Variants in ADAMTS3 observed in about 807,000 individuals in gnomAD.
ADAMTS3 encodes the protein A disintegrin and metalloproteinase with thrombospondin motifs 3.
Under a neutral mutation model 129.0 loss-of-function variants are expected in ADAMTS3, and 73 were observed. The observed-to-expected ratio is 0.57, with a 90% CI of 0.47 to 0.69. The LOEUF (loss-of-function observed/expected upper bound fraction) is 0.69, where lower values mean the gene tolerates loss of function less well. Ranked by LOEUF, ADAMTS3 falls within the 30% of genes least tolerant of loss-of-function variation. ADAMTS3 has a pLI of 0.00. For synonymous variants in ADAMTS3, 477 were observed against 510.8 expected (o/e 0.93, Z 0.89); for missense variants, 1,457 against 1,514.5 (o/e 0.96, Z 0.63).
At chr4:72,398,387 T>C (rs1415137103) in intron 4 of ADAMTS3, among the ~76,000 whole-genome samples, 1 of 151,844 alleles carries the variant, frequency 6.6e-6, no homozygotes, top group Non-Finnish European at 1.5e-5. Context: ...AGAAACCCCG[T>C]CTCTACTAAA....
chr4:72,566,020 TAA>T (rs1452832139), intron 2 of ADAMTS3, among the ~76,000 whole-genome samples: 1 of 151,852 alleles, frequency 6.6e-6, no homozygotes, highest in African/African-American at 2.4e-5. Flanking sequence ...TCTCCCTACT[TAA>T]GAGTTGGTTA....
rs190069700 is a variant in ADAMTS3, at chr4:72,475,928, G to T, written c.505-60957C>A. On this transcript the variant is annotated intron_variant, in intron 3 of 21. Coordinates refer to ENST00000286657, the MANE Select transcript of ADAMTS3 (RefSeq NM_014243.3). ...ATAGGAAGTCAAAATACATTCAAAT[G>T]AATAAAAATACAACATATCAAAATT... 2.6e-4 allele frequency among the ~76,000 whole-genome samples: 40 copies of T among 151,964 alleles called. No homozygotes were observed. In the East Asian group the frequency reaches 7.1e-3, roughly 27 times the overall value.
chr4:72,473,567 A>C (rs2128070), intron 3 of ADAMTS3, among the ~76,000 whole-genome samples: 34,004 of 151,158 alleles, frequency 0.22, 4,197 homozygotes, highest in Non-Finnish European at 0.29. Context: ...AAAAAAAAAA[A>C]ACACGGTCCT....
intron 3 of ADAMTS3, among the ~76,000 whole-genome samples, chr4:72,447,349 T>C: frequency 6.6e-6 from 1 of 151,764 alleles, no homozygotes; most frequent in East Asian, 2.0e-4. Context: ...TTCCAAATCT[T>C]ACCTTCTAAT....
chr4:72,298,305 C>T lies in ADAMTS3; in HGVS notation c.2562G>A (p.Trp854Ter). The T allele has an allele frequency of 6.2e-7, 1 of 1,612,804 alleles. No individual in the cohort carries two copies. Among genetic ancestry groups the T allele is most frequent in the Non-Finnish European group, 8.5e-7 (1 of 1,179,150 alleles). The change falls in exon 18 of 22, where the codon TGG (tryptophan) becomes TGA (stop). Residue 854 changes from tryptophan to a stop codon, truncating the protein, a stop_gained. Transcript: ENST00000286657. LOFTEE classifies it high-confidence loss of function. ...LDTFEWALKS[W>*]SQCSKPCGGG... is the part of the protein sequence containing the mutation. ...CACCACAGGGTTTGGAACACTGAGA[C>T]CAGCTCTTCAAAGCCCACTCAAAAG...
chr4:72,518,630 G>C (rs184454552), intron 3 of ADAMTS3, among the ~76,000 whole-genome samples: 2 of 152,242 alleles, frequency 1.3e-5, no homozygotes, highest in East Asian at 1.9e-4. Flanking sequence ...TTGGTTTAAA[G>C]TCTGTTTTAT....
intron 4 of ADAMTS3, among the ~76,000 whole-genome samples, chr4:72,401,672 ATTCT>A (rs1201276482): frequency 6.6e-6 from 1 of 151,996 alleles, no homozygotes; most frequent in East Asian, 1.9e-4. Flanking sequence ...ATGGCTGATA[ATTCT>A]TTATAAGATT....
At chr4:72,502,273 T>C (rs1175217743) in intron 3 of ADAMTS3, among the ~76,000 whole-genome samples, 2 of 152,198 alleles carry the variant, frequency 1.3e-5, no homozygotes, top group African/African-American at 4.8e-5. Flanking sequence ...AAGTTTTTTA[T>C]TGCTGATTGA....
intron 3 of ADAMTS3, among the ~76,000 whole-genome samples, chr4:72,461,631 A>T (rs1398966707): frequency 1.3e-5 from 2 of 151,880 alleles, no homozygotes; most frequent in Non-Finnish European, 2.9e-5. Context: ...ACCGATGGTA[A>T]AATTTCTGAA....
At chr4:72,342,356 T>C (rs1452308118) in intron 4 of ADAMTS3, among the ~76,000 whole-genome samples, 1 of 125,388 alleles carries the variant, frequency 8.0e-6, no homozygotes, top group Non-Finnish European at 1.7e-5. Context: ...ATTTCCCCAA[T>C]TACTTTTTTT....
In ADAMTS3 at chr4:72,351,324, C is replaced by T. The variant is rs183639931; in HGVS notation, c.662-11631G>A. Among the ~76,000 whole-genome samples the T allele has an allele frequency of 2.6e-5, 4 of 151,686 alleles. No homozygotes were observed. The East Asian group carries it at 5.9e-4, about 22-fold the overall frequency. ...TACAGGCATGTTACAGGGTAACATG[C>T]CTTAAAATTTCAACAGCCATTTAGC... On this transcript the variant is annotated intron_variant, in intron 4 of 21. Transcript: ENST00000286657.
chr4:72,345,281 G>A (rs1720250133), intron 4 of ADAMTS3, among the ~76,000 whole-genome samples: 1 of 152,028 alleles, frequency 6.6e-6, no homozygotes, highest in African/African-American at 2.4e-5. Flanking sequence ...AGAGTAGGTG[G>A]AGATCCTATA....
Position 72,318,583 on chromosome 4 carries a change from T to C in ADAMTS3, c.1474A>G (p.Met492Val). 2 of 1,613,642 alleles carry C rather than the reference T, an allele frequency of 1.2e-6. No individual in the cohort carries two copies. The highest frequency in any genetic ancestry group is 1.7e-6 in the Non-Finnish European group (2 of 1,179,798). The change falls in exon 10 of 22, where the codon ATG (methionine) becomes GTG (valine). Residue 492 changes from methionine (M) to valine (V), a missense_variant. Met to Val is a conservative substitution (Grantham distance 21). Coordinates refer to ENST00000286657, the MANE Select transcript of ADAMTS3 (RefSeq NM_014243.3). ...CRFDFGVGYK[M>V]CTAFRTFDPC... ...TGTGAGCAACATACCGCGGTGCACA[T>C]TTTATAGCCAACACCAAAATCAAAA...
In ADAMTS3 at chr4:72,309,371, T is replaced by C. The variant is rs780462056; in HGVS notation, c.2179+26A>G. On this transcript the variant is annotated intron_variant, in intron 15 of 21. Coordinates refer to ENST00000286657, the MANE Select transcript of ADAMTS3 (RefSeq NM_014243.3). ...AAGTACAAATCACAGAGAAGAATAC[T>C]AAATCCATGAGAGACCTCATCTTAC... 6.8e-6 allele frequency: 11 copies of C among 1,608,360 alleles called. No individual in the cohort carries two copies. In the East Asian group the frequency reaches 2.5e-4, roughly 36 times the overall value.
intron 4 of ADAMTS3, among the ~76,000 whole-genome samples, chr4:72,395,291 T>A (rs1721699035): frequency 1.3e-5 from 2 of 152,150 alleles, no homozygotes; most frequent in African/African-American, 2.4e-5. Context: ...CCACAAATTT[T>A]AAAAATGATA....
At chr4:72,287,753 G>C (rs542577159) in intron 21 of ADAMTS3, among the ~76,000 whole-genome samples, 1 of 152,282 alleles carries the variant, frequency 6.6e-6, no homozygotes, top group East Asian at 1.9e-4. Context: ...ACAGCAAATG[G>C]AGACACAGAT....
intron 4 of ADAMTS3, among the ~76,000 whole-genome samples, chr4:72,361,144 G>T (rs980335730): frequency 6.6e-6 from 1 of 151,976 alleles, no homozygotes; most frequent in African/African-American, 2.4e-5. Flanking sequence ...TGTTTTATGT[G>T]TTTATGTTTC....
At chr4:72,486,341 T>C (rs1452002411) in intron 3 of ADAMTS3, among the ~76,000 whole-genome samples, 1 of 152,196 alleles carries the variant, frequency 6.6e-6, no homozygotes, top group Non-Finnish European at 1.5e-5. Flanking sequence ...GCCACCTTGG[T>C]TGAACAACCA....
rs544650277 is a variant in ADAMTS3 at position 72,372,101 on chromosome 4, C to T, written c.662-32408G>A. The stretch of plus-strand genomic sequence containing the variant: ...AGAATATTAGAATTTATGTGATGCA[C>T]GTAAGGCTGTAGCTAGAGAGAAAAG... On this transcript the variant is annotated intron_variant, in intron 4 of 21. Transcript: ENST00000286657. Among the ~76,000 whole-genome samples, 30 of 152,146 alleles carry T rather than the reference C, an allele frequency of 2.0e-4. No individual in the cohort carries two copies. The South Asian group carries it at 5.4e-3, about 27-fold the overall frequency.
Sources: gnomAD v4.1 joint callset for allele counts (sites outside exome capture counted in the v4.1 genomes callset) on GRCh38, gnomAD v4.1.1 for gene constraint, MANE v1.5 for transcripts, NCBI Gene and HGNC (gene_info 2026-07-23, HGNC 2026-07-21) for gene names.